BBOX1: variants seen among roughly 807,000 people sequenced by gnomAD.
BBOX1 encodes the protein gamma-butyrobetaine dioxygenase.
A neutral mutation model predicts 41.6 loss-of-function variants in BBOX1; 35 were observed. The observed-to-expected ratio is 0.84, with a 90% confidence interval of 0.64 to 1.11. BBOX1 has a LOEUF of 1.11. Ranked by LOEUF, BBOX1 falls within the 50% of genes most tolerant of loss-of-function variation. BBOX1 has a pLI of 0.00. For synonymous variants in BBOX1, 163 were observed against 154.7 expected, an observed-to-expected ratio of 1.05 and a Z score of -0.40; for missense variants, 458 against 460.6, an observed-to-expected ratio of 0.99 and a Z score of 0.05.
intron 4 of BBOX1, among the ~76,000 whole-genome samples, chr11:27,060,474 C>T (rs1454338585): frequency 6.6e-6 from 1 of 152,166 alleles, no homozygotes; most frequent in Non-Finnish European, 1.5e-5. Context: ...TATAGCAATG[C>T]AAGAACAGGC....
chr11:27,121,728 A>G (rs942283214), intron 7 of BBOX1, among the ~76,000 whole-genome samples: 3 of 152,226 alleles, frequency 2.0e-5, no homozygotes, highest in African/African-American at 7.2e-5. Flanking sequence ...TGAAAAGGAA[A>G]TAACTTGAGA....
At chr11:27,121,108 C>T (rs980730518) in intron 7 of BBOX1, among the ~76,000 whole-genome samples, 1 of 152,116 alleles carries the variant, frequency 6.6e-6, no homozygotes, top group South Asian at 2.1e-4. Flanking sequence ...TGAGGGAAAG[C>T]TTTACTGAGA....
intron 4 of BBOX1, among the ~76,000 whole-genome samples, chr11:27,075,478 G>A (rs1440549750): frequency 6.6e-6 from 1 of 152,078 alleles, no homozygotes; most frequent in Non-Finnish European, 1.5e-5. Flanking sequence ...CCAATCATCG[G>A]CAGAGGTCCC....
rs184138703 is a variant in BBOX1, at chr11:27,072,554, G to T, written c.334+15239G>T. 3.8e-3 allele frequency among the ~76,000 whole-genome samples: 573 copies of T among 152,212 alleles called. 17 individuals carry two copies. The highest frequency in any genetic ancestry group is 1.8e-3 in the Non-Finnish European group (124 of 68,006). On this transcript the variant is annotated intron_variant, in intron 4 of 8. Transcript: ENST00000263182. The stretch of plus-strand genomic sequence containing the variant: ...TCAAGCTACCAATGACTTCGTCACA[G>T]AATTGGAAAAAACTACTTTAAAGTT...
intron 5 of BBOX1, among the ~76,000 whole-genome samples, chr11:27,105,323 G>T (rs541904321): frequency 1.3e-5 from 2 of 152,190 alleles, no homozygotes; most frequent in Admixed American, 1.3e-4. Flanking sequence ...CGAACCCATC[G>T]CAAAGAAGCT....
At chr11:27,057,064 TAAA>T (rs60041119) in intron 3 of BBOX1, 134 bp from the exon 4 acceptor site, 95 of 150,944 alleles carry the variant, frequency 6.3e-4, no homozygotes, top group Non-Finnish European at 7.2e-4. Flanking sequence ...GACTCCGACT[TAAA>T]AAAAAAAAAA....
chr11:27,120,836 A>G (rs1045104255), intron 7 of BBOX1, among the ~76,000 whole-genome samples: 1 of 152,108 alleles, frequency 6.6e-6, no homozygotes, highest in Non-Finnish European at 1.5e-5. Flanking sequence ...ACATTCATTT[A>G]TTCATTCAAC....
At chr11:27,112,910 G>T (rs532133119) in intron 5 of BBOX1, among the ~76,000 whole-genome samples, 2 of 151,840 alleles carry the variant, frequency 1.3e-5, no homozygotes, top group Non-Finnish European at 2.9e-5. Context: ...GTATATATCT[G>T]ACCAAAGTCT....
intron 4 of BBOX1, among the ~76,000 whole-genome samples, chr11:27,073,297 C>T (rs1422965973): frequency 6.6e-6 from 1 of 152,150 alleles, no homozygotes; most frequent in Non-Finnish European, 1.5e-5. Context: ...ATGCAGCCAA[C>T]AGTCACATGA....
At chr11:27,085,565 C>A (rs915151849) in intron 4 of BBOX1, among the ~76,000 whole-genome samples, 39 of 151,232 alleles carry the variant, frequency 2.6e-4, no homozygotes, top group African/African-American at 9.3e-4. Flanking sequence ...ATCTCTCTCT[C>A]TCTCTCTCTC....
rs142034352 is a variant in BBOX1, at chr11:27,092,242, A to T, written c.335-926A>T. ...ACACATTCCCCAGCTAGAAAAGAAG[A>T]GCATTGCTCACAATGATATTGAGAT... On this transcript the variant is annotated intron_variant, in intron 4 of 8. Coordinates refer to ENST00000263182, the MANE Select transcript of BBOX1 (RefSeq NM_003986.3). Among the ~76,000 whole-genome samples the T allele has an allele frequency of 3.6e-3, 541 of 152,030 alleles. 1 individual carries two copies. Among genetic ancestry groups the T allele is most frequent in the African/African-American group, 0.012 (518 of 41,520 alleles).
rs746920195 is a variant in BBOX1 at position 27,055,520 on chromosome 11, A to G, written c.90A>G (p.Pro30=). The change falls in exon 3 of 9, where the codon CCA becomes CCG. Residue 30 remains proline, a synonymous_variant. Coordinates refer to ENST00000263182, the MANE Select transcript of BBOX1 (RefSeq NM_003986.3). ...LWYDEEESLY[P]AVWLRDNCPC... is the part of the protein sequence containing the mutation. ...ATGATGAGGAAGAGTCTCTCTACCC[A>G]GCTGTATGGTTGAGAGACAACTGTC... 163 of 1,614,178 alleles carry G rather than the reference A, an allele frequency of 1.0e-4. No homozygotes were observed. The highest frequency in any genetic ancestry group is 1.0e-3 in the South Asian group (91 of 91,084).
Position 27,119,690 on chromosome 11 carries a change from T to C in BBOX1, c.681T>C (p.Gly227=). The change falls in exon 7 of 9, where the codon GGT becomes GGC. Residue 227 remains glycine, a synonymous_variant. Coordinates refer to ENST00000263182, the MANE Select transcript of BBOX1 (RefSeq NM_003986.3). ...GCATAAAGCAAACAGTCACAGGGGGTGATTCAGAAATTGTAGATGGGTTTA... is the reference window on the plus strand; with the variant it reads ...GCATAAAGCAAACAGTCACAGGGGGCGATTCAGAAATTGTAGATGGGTTTA... The part of the protein sequence containing the change: ...LHCIKQTVTG[G]DSEIVDGFNV... 6.4e-7 allele frequency: 1 copy of C among 1,566,424 alleles called. No individual in the cohort carries two copies.
chr11:27,087,797 T>A (rs1375704973), intron 4 of BBOX1, among the ~76,000 whole-genome samples: 2 of 152,070 alleles, frequency 1.3e-5, no homozygotes, highest in Non-Finnish European at 2.9e-5. Context: ...CCTTAGTCTC[T>A]GATTTCAGCA....
chr11:27,051,121 T>C (rs560206123), intron 2 of BBOX1, among the ~76,000 whole-genome samples: 1 of 152,252 alleles, frequency 6.6e-6, no homozygotes, highest in Non-Finnish European at 1.5e-5. Flanking sequence ...ATTCTGCTAA[T>C]GTGTTGTCAT....
chr11:27,116,307 A>G (rs1859257521), intron 6 of BBOX1, among the ~76,000 whole-genome samples: 1 of 150,606 alleles, frequency 6.6e-6, no homozygotes. Context: ...AACATCACAC[A>G]CTGGGGCCTG....
At chr11:27,080,469 C>T (rs867721590) in intron 4 of BBOX1, among the ~76,000 whole-genome samples, 55 of 152,098 alleles carry the variant, frequency 3.6e-4, no homozygotes, top group African/African-American at 1.3e-3. Flanking sequence ...ATTCATTCAT[C>T]ATACTCAATG....
intron 4 of BBOX1, among the ~76,000 whole-genome samples, chr11:27,091,301 A>G (rs1858233609): frequency 6.6e-6 from 1 of 151,950 alleles, no homozygotes; most frequent in Non-Finnish European, 1.5e-5. Context: ...ATTCTCCTAT[A>G]GACTGTGAAC....
At chr11:27,103,698 TAAA>T (rs977670384) in intron 5 of BBOX1, among the ~76,000 whole-genome samples, 1 of 150,996 alleles carries the variant, frequency 6.6e-6, no homozygotes, top group Non-Finnish European at 1.5e-5. Context: ...GAAGTGGTTA[TAAA>T]AAAAAACAGA....
Sources: gnomAD v4.1 joint callset for allele counts (sites outside exome capture counted in the v4.1 genomes callset) on GRCh38, gnomAD v4.1.1 for gene constraint, MANE v1.5 for transcripts, NCBI Gene and HGNC (gene_info 2026-07-23, HGNC 2026-07-21) for gene names.